Variants in CACNA2D3 observed in about 807,000 individuals in gnomAD.
CACNA2D3 encodes the protein calcium voltage-gated channel auxiliary subunit alpha2delta 3.
In CACNA2D3, 60 loss-of-function variants were observed where a neutral mutation model predicts 160.6. The ratio of observed to expected loss-of-function variants is 0.37; its 90% CI spans 0.30 to 0.46. The LOEUF (loss-of-function observed/expected upper bound fraction) is 0.46, where lower values mean the gene tolerates loss of function less well. Ranked by LOEUF, CACNA2D3 falls within the 20% of genes least tolerant of loss-of-function variation. The pLI is 1.00. For synonymous variants in CACNA2D3, 558 were observed against 492.9 expected (o/e 1.13, Z -1.75); for missense variants, 1,205 against 1,365.0 (o/e 0.88, Z 1.85).
chr3:54,291,549 T>C (rs1034868372), intron 2 of CACNA2D3, among the ~76,000 whole-genome samples: 1 of 152,194 alleles, frequency 6.6e-6, no homozygotes, highest in East Asian at 1.9e-4. Flanking sequence ...ATCTTTTTTT[T>C]AAAAAAGGTA....
At chr3:54,577,178 G>A (rs532379122) in intron 8 of CACNA2D3, among the ~76,000 whole-genome samples, 2 of 152,302 alleles carry the variant, frequency 1.3e-5, no homozygotes, top group African/African-American at 4.8e-5. Context: ...AGCAAACTTA[G>A]CCAGTGTTTT....
At chr3:54,254,417 C>T (rs1702256193) in intron 2 of CACNA2D3, among the ~76,000 whole-genome samples, 1 of 152,176 alleles carries the variant, frequency 6.6e-6, no homozygotes, top group Non-Finnish European at 1.5e-5. Flanking sequence ...CTTTTTAAAA[C>T]AATACATTAT....
At position 54,987,673 on chromosome 3, in the gene CACNA2D3, T is replaced by C; in HGVS notation, c.2620-10T>C. On this transcript the variant is annotated splice_polypyrimidine_tract_variant and intron_variant, in intron 30 of 37. Coordinates refer to ENST00000474759, the MANE Select transcript of CACNA2D3 (RefSeq NM_018398.3). ...TATCTACACCTCCTCATATGTCTTC[T>C]TCCCCATAGACTGGAGACTTTTTTG... The C allele has an allele frequency of 6.3e-7, 1 of 1,586,576 alleles. No individual in the cohort carries two copies. Among genetic ancestry groups the C allele is most frequent in the South Asian group, 1.1e-5 (1 of 87,324 alleles).
intron 14 of CACNA2D3, among the ~76,000 whole-genome samples, chr3:54,829,546 C>T (rs1703823597): frequency 6.6e-6 from 1 of 152,278 alleles, no homozygotes; most frequent in South Asian, 2.1e-4. Flanking sequence ...GCTGTTCTCC[C>T]TGGTGCCCTC....
chr3:54,227,032 G>A (rs932087223), intron 2 of CACNA2D3, among the ~76,000 whole-genome samples: 7 of 152,192 alleles, frequency 4.6e-5, no homozygotes, highest in Non-Finnish European at 5.9e-5. Context: ...AGAGAGCTCT[G>A]AACTCAAGTT....
At chr3:54,915,511 T>G (rs941753481) in intron 27 of CACNA2D3, among the ~76,000 whole-genome samples, 1 of 152,234 alleles carries the variant, frequency 6.6e-6, no homozygotes, top group Non-Finnish European at 1.5e-5. Context: ...TCTATGAATA[T>G]GACAGCAGCA....
intron 5 of CACNA2D3, among the ~76,000 whole-genome samples, chr3:54,526,662 C>G (rs755631650): frequency 2.0e-5 from 3 of 152,070 alleles, no homozygotes; most frequent in Non-Finnish European, 4.4e-5. Flanking sequence ...TACACCAACC[C>G]TTAAGTACCC....
At chr3:54,603,961 A>G (rs1442220808) in intron 9 of CACNA2D3, among the ~76,000 whole-genome samples, 2 of 152,186 alleles carry the variant, frequency 1.3e-5, no homozygotes, top group African/African-American at 4.8e-5. Flanking sequence ...GAAATATCCT[A>G]CTGTATTTTA....
chr3:54,636,382 G>A (rs1699371487), intron 10 of CACNA2D3, among the ~76,000 whole-genome samples: 1 of 151,976 alleles, frequency 6.6e-6, no homozygotes. Flanking sequence ...TGAAGTCCGG[G>A]CCAGGAACAA....
chr3:54,946,035 T>C (rs991621710), intron 27 of CACNA2D3, among the ~76,000 whole-genome samples: 1 of 152,198 alleles, frequency 6.6e-6, no homozygotes. Context: ...CCTGCCTCAT[T>C]ATCACATTTC....
intron 2 of CACNA2D3, among the ~76,000 whole-genome samples, chr3:54,229,386 G>A (rs1445166818): frequency 1.3e-5 from 2 of 151,900 alleles, no homozygotes; most frequent in Non-Finnish European, 2.9e-5. Flanking sequence ...GTAGAGACGG[G>A]GTTTCACCAT....
intron 29 of CACNA2D3, among the ~76,000 whole-genome samples, chr3:54,980,887 T>C (rs1702492293): frequency 6.6e-6 from 1 of 152,266 alleles, no homozygotes; most frequent in African/African-American, 2.4e-5. Flanking sequence ...TTTAAAACTA[T>C]CTTTATTTCC....
chr3:54,379,473 G>A (rs2106640804), intron 3 of CACNA2D3, among the ~76,000 whole-genome samples: 1 of 152,336 alleles, frequency 6.6e-6, no homozygotes, highest in African/African-American at 2.4e-5. Flanking sequence ...TTTCAGCTAT[G>A]ACTCTAACTG....
chr3:54,838,187 A>C (rs996257386), intron 15 of CACNA2D3, among the ~76,000 whole-genome samples: 3 of 152,254 alleles, frequency 2.0e-5, no homozygotes, highest in Admixed American at 2.0e-4. Context: ...AGCAGTTAAC[A>C]TGCTGTCTTT....
At chr3:54,826,206 T>TTA (rs1166064156) in intron 14 of CACNA2D3, among the ~76,000 whole-genome samples, 2 of 152,152 alleles carry the variant, frequency 1.3e-5, no homozygotes, top group Non-Finnish European at 2.9e-5. Context: ...ACATCCCCAA[T>TTA]TAATGGATAT....
At chr3:54,429,836 GC>G (rs1699963052) in intron 4 of CACNA2D3, among the ~76,000 whole-genome samples, 1 of 152,128 alleles carries the variant, frequency 6.6e-6, no homozygotes. Context: ...TTTTTAAATA[GC>G]CTTCTATGGA....
intron 3 of CACNA2D3, among the ~76,000 whole-genome samples, chr3:54,370,836 GA>G (rs60211171): frequency 0.041 from 3,527 of 85,728 alleles, 59 homozygotes; most frequent in East Asian, 0.12. Flanking sequence ...CCCGACTCCA[GA>G]AAAAAAAAAA....
rs529924782 is a variant in CACNA2D3, at chr3:54,279,713, A to C, written c.205-40729A>C. Among the ~76,000 whole-genome samples, 3 of 152,288 alleles carry C rather than the reference A, an allele frequency of 2.0e-5. No homozygotes were observed. In the South Asian group the frequency reaches 6.2e-4, roughly 32 times the overall value. ...AGCTCTGGCTTAGTCCTAATAATTGAAACCATTTCGAGTTCTAGCATCTTG... is the reference window on the plus strand; with the variant it reads ...AGCTCTGGCTTAGTCCTAATAATTGCAACCATTTCGAGTTCTAGCATCTTG... On this transcript the variant is annotated intron_variant, in intron 2 of 37. Coordinates refer to ENST00000474759, the MANE Select transcript of CACNA2D3 (RefSeq NM_018398.3).
At chr3:54,264,955 G>A (rs1370351145) in intron 2 of CACNA2D3, among the ~76,000 whole-genome samples, 1 of 152,106 alleles carries the variant, frequency 6.6e-6, no homozygotes, top group Admixed American at 6.6e-5. Flanking sequence ...TGGTGTATAT[G>A]TGCCACATTT....
Sources: gnomAD v4.1 joint callset for allele counts (sites outside exome capture counted in the v4.1 genomes callset) on GRCh38, gnomAD v4.1.1 for gene constraint, MANE v1.5 for transcripts, NCBI Gene and HGNC (gene_info 2026-07-23, HGNC 2026-07-21) for gene names.